The following DIP2B variants were observed in gnomAD, a reference collection of about 807,000 sequenced individuals.
The protein encoded by DIP2B is DIP2 acetate--CoA ligase B (putative), also known as disco-interacting protein 2 homolog B.
Under a neutral mutation model 198.0 loss-of-function variants are expected in DIP2B, and 76 were observed. The ratio of observed to expected loss-of-function variants is 0.38; its 90% CI spans 0.32 to 0.46. The LOEUF (loss-of-function observed/expected upper bound fraction) is 0.46. DIP2B is among the 20% of genes least tolerant of loss of function. The pLI is 0.99. For synonymous variants in DIP2B, 701 were observed against 739.1 expected, an observed-to-expected ratio of 0.95 and a Z score of 0.84; for missense variants, 1,559 against 1,978.4, an observed-to-expected ratio of 0.79 and a Z score of 4.02.
At chr12:50,625,833 G>T in intron 1 of DIP2B, 143 bp from the exon 2 acceptor site, 1 of 783,738 alleles carries the variant, frequency 1.3e-6, no homozygotes, top group Non-Finnish European at 2.0e-6. Context: ...CAAAATCCTT[G>T]GCAAAGAACC....
chr12:50,678,981 G>A, intron 8 of DIP2B, 105 bp downstream of exon 8: 1 of 1,289,286 alleles, frequency 7.8e-7, no homozygotes, highest in Non-Finnish European at 1.1e-6. Context: ...TTATGTTTCA[G>A]TAGATTTTTT....
intron 8 of DIP2B, 174 bp downstream of exon 8, chr12:50,679,050 C>A: frequency 1.4e-6 from 1 of 730,608 alleles, no homozygotes; most frequent in Non-Finnish European, 2.1e-6. Flanking sequence ...TTTTCATTTG[C>A]TAAAGCAACA....
At chr12:50,660,090 CTT>C (rs79472721) in intron 3 of DIP2B, 102 bp from the exon 4 acceptor site, 9,749 of 893,450 alleles carry the variant, frequency 0.011, no homozygotes, top group Non-Finnish European at 0.012. Context: ...TCCCCTTTAC[CTT>C]TTTTTTTTTT....
intron 32 of DIP2B, 28 bp from the exon 33 acceptor site, chr12:50,734,107 A>C (rs1565886006): frequency 1.2e-6 from 2 of 1,612,846 alleles, no homozygotes; most frequent in Non-Finnish European, 1.7e-6. Context: ...CGAAATTCTA[A>C]ACAACGCATT....
chr12:50,669,754 A>T (rs1938817191), intron 4 of DIP2B, among the ~76,000 whole-genome samples: 1 of 152,044 alleles, frequency 6.6e-6, no homozygotes, highest in African/African-American at 2.4e-5. Flanking sequence ...CTTGCTCTGG[A>T]CCTGCAGAAT....
At chr12:50,712,370 G>A (rs770003581) in intron 22 of DIP2B, among the ~76,000 whole-genome samples, 3 of 152,090 alleles carry the variant, frequency 2.0e-5, no homozygotes, top group African/African-American at 4.8e-5. Context: ...TTGGGAGGCC[G>A]AGGCAGGCAG....
intron 34 of DIP2B, among the ~76,000 whole-genome samples, chr12:50,735,666 T>C (rs771522755): frequency 6.6e-6 from 1 of 152,108 alleles, no homozygotes; most frequent in Non-Finnish European, 1.5e-5. Flanking sequence ...GGTTTCACCA[T>C]GTTGGCCAGG....
chr12:50,546,386 T>C (rs1958378083), intron 1 of DIP2B, among the ~76,000 whole-genome samples: 1 of 151,500 alleles, frequency 6.6e-6, no homozygotes, highest in Admixed American at 6.6e-5. Flanking sequence ...ATGTAAATGT[T>C]TGTTACATGA....
chr12:50,632,606 G>A (rs190411913), intron 2 of DIP2B, among the ~76,000 whole-genome samples: 33 of 149,612 alleles, frequency 2.2e-4, no homozygotes, highest in Admixed American at 1.6e-3. Context: ...GCGTGATCTC[G>A]GCTCACTGCA....
chr12:50,693,112 T>G, intron 14 of DIP2B, 99 bp downstream of exon 14: 1 of 1,189,980 alleles, frequency 8.4e-7, no homozygotes, highest in Non-Finnish European at 1.2e-6. Context: ...GTTTGAAATT[T>G]AAATCCCCAA....
chr12:50,704,325 C>A, intron 20 of DIP2B, 105 bp downstream of exon 20: 1 of 1,024,814 alleles, frequency 9.8e-7, no homozygotes, highest in Non-Finnish European at 1.4e-6. Context: ...GTTACAGAAC[C>A]ACTTCACTTA....
chr12:50,524,355 C>A (rs1958144727), intron 1 of DIP2B, among the ~76,000 whole-genome samples: 1 of 152,188 alleles, frequency 6.6e-6, no homozygotes, highest in Non-Finnish European at 1.5e-5. Context: ...CTTTATAGCT[C>A]TTCCATGAAT....
intron 14 of DIP2B, among the ~76,000 whole-genome samples, chr12:50,694,466 G>T (rs1385895914): frequency 6.6e-6 from 1 of 151,814 alleles, no homozygotes; most frequent in Admixed American, 6.6e-5. Flanking sequence ...CTGTACTCTA[G>T]CCTGGGCAAC....
At chr12:50,556,753 A>G (rs1028732920) in intron 1 of DIP2B, among the ~76,000 whole-genome samples, 1 of 151,930 alleles carries the variant, frequency 6.6e-6, no homozygotes, top group African/African-American at 2.4e-5. Context: ...CTTGTTGTCC[A>G]TGCTGGAGTG....
intron 1 of DIP2B, among the ~76,000 whole-genome samples, chr12:50,575,361 C>G (rs1958649580): frequency 6.6e-6 from 1 of 151,518 alleles, no homozygotes; most frequent in East Asian, 1.9e-4. Context: ...CTGGGGGTCA[C>G]CACAGGCTTG....
chr12:50,644,945 A>C (rs1401901422), intron 3 of DIP2B, among the ~76,000 whole-genome samples: 1 of 152,154 alleles, frequency 6.6e-6, no homozygotes, highest in Non-Finnish European at 1.5e-5. Flanking sequence ...TTACTTTCTC[A>C]GTAGAAGTGA....
intron 1 of DIP2B, among the ~76,000 whole-genome samples, chr12:50,508,278 A>G (rs2139335536): frequency 6.6e-6 from 1 of 152,360 alleles, no homozygotes; most frequent in South Asian, 2.1e-4. Flanking sequence ...AGGTTTCTGC[A>G]AGTATTTCTG....
chr12:50,647,863 C>G (rs1938377099), intron 3 of DIP2B, among the ~76,000 whole-genome samples: 1 of 152,046 alleles, frequency 6.6e-6, no homozygotes. Context: ...ACCTGTAATC[C>G]TAGCATTTTG....
chr12:50,653,264 T>C (rs1397780961), intron 3 of DIP2B, among the ~76,000 whole-genome samples: 1 of 151,802 alleles, frequency 6.6e-6, no homozygotes, highest in African/African-American at 2.4e-5. Flanking sequence ...TTTCTAAGAA[T>C]TTATCCAATT....
Sources: gnomAD v4.1 joint callset for allele counts (sites outside exome capture counted in the v4.1 genomes callset) on GRCh38, gnomAD v4.1.1 for gene constraint, MANE v1.5 for transcripts, NCBI Gene and HGNC (gene_info 2026-07-23, HGNC 2026-07-21) for gene names.